Variants in ROBO1 observed in about 807,000 individuals in gnomAD.
ROBO1 encodes roundabout guidance receptor 1.
In ROBO1, 149 loss-of-function variants were observed where a neutral mutation model predicts 195.9. The ratio of observed to expected loss-of-function variants is 0.76; its 90% CI spans 0.67 to 0.87. The LOEUF (loss-of-function observed/expected upper bound fraction) is 0.87, where lower values mean the gene tolerates loss of function less well. Ranked by LOEUF, ROBO1 falls within the 40% of genes least tolerant of loss-of-function variation. ROBO1 has a pLI of 0.00. For synonymous variants in ROBO1, 816 were observed against 733.2 expected, an observed-to-expected ratio of 1.11 and a Z score of -1.82; for missense variants, 1,933 against 2,068.3, an observed-to-expected ratio of 0.93 and a Z score of 1.27.
rs1019871063 is a variant in ROBO1 at position 78,640,183 on chromosome 3, T to C, written c.2883-285A>G. 2.6e-5 allele frequency among the ~76,000 whole-genome samples: 4 copies of C among 152,178 alleles called. No homozygotes were observed. In the East Asian group the frequency reaches 7.7e-4, roughly 29 times the overall value. ...TCTACTCTGCCTTTAGTCATAATGG[T>C]TAAAAATCAAACATGGAATATGAAC... is the stretch of plus-strand genomic sequence containing the variant. On this transcript the variant is annotated intron_variant, in intron 21 of 30. Transcript: ENST00000464233.
chr3:78,767,643 T>A (rs1466072165), intron 4 of ROBO1, among the ~76,000 whole-genome samples: 1 of 152,186 alleles, frequency 6.6e-6, no homozygotes, highest in Non-Finnish European at 1.5e-5. Context: ...TTTTCCTGAT[T>A]TAAGCTAGAA....
Position 79,125,518 on chromosome 3 carries a change from C to G in ROBO1, c.110G>C (p.Gly37Ala), listed in dbSNP as rs1238180531. 6.2e-7 allele frequency: 1 copy of G among 1,613,524 alleles called. No individual in the cohort carries two copies. Among genetic ancestry groups the G allele is most frequent in the Non-Finnish European group, 8.5e-7 (1 of 1,179,744 alleles). ...LIPDPEDVERGNDHGTPIPTS... is the reference protein window; with the variant it reads ...LIPDPEDVERANDHGTPIPTS... ...GGGGATTGGCGTCCCGTGGTCGTTC[C>G]CCCTCTCTACATCTTCAGGGTCTGT... The change falls in exon 3 of 31, where the codon GGG (glycine) becomes GCG (alanine). Residue 37 changes from glycine (G) to alanine (A), a missense_variant. Transcript: ENST00000464233.
chr3:79,564,443 T>TC, intron 2 of ROBO1, among the ~76,000 whole-genome samples: 1 of 152,106 alleles, frequency 6.6e-6, no homozygotes, highest in Non-Finnish European at 1.5e-5. Context: ...ACTTGAGAGG[T>TC]CATTTCCACC....
chr3:78,631,654 G>C (rs1376106496), intron 24 of ROBO1, among the ~76,000 whole-genome samples: 4 of 152,180 alleles, frequency 2.6e-5, no homozygotes, highest in South Asian at 2.1e-4. Flanking sequence ...TTATTTAATT[G>C]CTGGAACTTA....
chr3:79,631,344 C>T (rs961518439), intron 1 of ROBO1, among the ~76,000 whole-genome samples: 2 of 151,888 alleles, frequency 1.3e-5, no homozygotes, highest in African/African-American at 2.4e-5. Flanking sequence ...TATCTGTAAT[C>T]AACAGATCTT....
chr3:78,892,501 C>T (rs1218518473), intron 4 of ROBO1, among the ~76,000 whole-genome samples: 1 of 152,150 alleles, frequency 6.6e-6, no homozygotes, highest in South Asian at 2.1e-4. Flanking sequence ...ATATATGCTG[C>T]ATTGTGATGT....
At chr3:78,909,717 T>C (rs1008285365) in intron 4 of ROBO1, among the ~76,000 whole-genome samples, 3 of 151,754 alleles carry the variant, frequency 2.0e-5, no homozygotes, top group Non-Finnish European at 4.4e-5. Flanking sequence ...TTGATATTTA[T>C]GTACATGATG....
At chr3:79,181,968 A>T (rs979767205) in intron 2 of ROBO1, among the ~76,000 whole-genome samples, 2 of 150,246 alleles carry the variant, frequency 1.3e-5, no homozygotes, top group African/African-American at 2.4e-5. Context: ...TTTTATTCAC[A>T]TATATATTAT....
intron 2 of ROBO1, among the ~76,000 whole-genome samples, chr3:79,499,128 G>A (rs1308168591): frequency 6.6e-6 from 1 of 152,064 alleles, no homozygotes; most frequent in African/African-American, 2.4e-5. Flanking sequence ...CTGAGTACCT[G>A]AGATTACAGG....
intron 2 of ROBO1, among the ~76,000 whole-genome samples, chr3:79,213,260 T>C (rs1020838449): frequency 6.6e-6 from 1 of 151,616 alleles, no homozygotes; most frequent in Non-Finnish European, 1.5e-5. Context: ...AAAAAAAAAA[T>C]CTATGACAGC....
At chr3:79,002,641 C>G (rs2077532255) in intron 3 of ROBO1, among the ~76,000 whole-genome samples, 1 of 152,080 alleles carries the variant, frequency 6.6e-6, no homozygotes, top group Non-Finnish European at 1.5e-5. Flanking sequence ...CACATTACTC[C>G]ATAAATACTA....
intron 1 of ROBO1, among the ~76,000 whole-genome samples, chr3:79,590,384 A>G (rs955032513): frequency 3.3e-5 from 5 of 151,740 alleles, no homozygotes; most frequent in African/African-American, 1.2e-4. Flanking sequence ...GATATAGCAG[A>G]AAAAAACAAA....
intron 29 of ROBO1, among the ~76,000 whole-genome samples, chr3:78,600,933 AT>A (rs1486622550): frequency 6.6e-6 from 1 of 152,142 alleles, no homozygotes; most frequent in Admixed American, 6.6e-5. Flanking sequence ...TCCTATTTAC[AT>A]TGTGGAACTC....
chr3:78,861,995 C>T (rs1216264181), intron 4 of ROBO1, among the ~76,000 whole-genome samples: 5 of 151,984 alleles, frequency 3.3e-5, no homozygotes, highest in Non-Finnish European at 7.4e-5. Flanking sequence ...TGCCTTAATC[C>T]CTAGAACACG....
chr3:78,860,915 C>A (rs990997932), intron 4 of ROBO1, among the ~76,000 whole-genome samples: 17 of 152,060 alleles, frequency 1.1e-4, no homozygotes, highest in African/African-American at 3.9e-4. Flanking sequence ...TTGCTCTTAC[C>A]CACTAAATTT....
chr3:78,678,888 A>G (rs1198510888), intron 10 of ROBO1, among the ~76,000 whole-genome samples: 1 of 152,020 alleles, frequency 6.6e-6, no homozygotes, highest in East Asian at 1.9e-4. Flanking sequence ...AGAATTTTAG[A>G]CCAATATCCT....
chr3:79,636,026 C>G (rs1461574416), intron 1 of ROBO1, among the ~76,000 whole-genome samples: 1 of 152,016 alleles, frequency 6.6e-6, no homozygotes, highest in Non-Finnish European at 1.5e-5. Flanking sequence ...AGTAGTCTTT[C>G]TCGCCACCAT....
intron 1 of ROBO1, among the ~76,000 whole-genome samples, chr3:79,668,363 CA>C (rs1458505362): frequency 2.0e-5 from 3 of 148,366 alleles, no homozygotes; most frequent in Admixed American, 6.7e-5. Context: ...TGTTTTAACT[CA>C]GTATTTTTAT....
At chr3:79,670,068 A>G (rs990424984) in intron 1 of ROBO1, among the ~76,000 whole-genome samples, 2 of 151,932 alleles carry the variant, frequency 1.3e-5, no homozygotes, top group African/African-American at 4.8e-5. Flanking sequence ...AAACTGAAGT[A>G]AGCAAGCAAA....
Sources: allele counts gnomAD v4.1 joint callset (sites outside exome capture counted in the v4.1 genomes callset), GRCh38; gene constraint gnomAD v4.1.1; transcripts MANE v1.5; gene names NCBI Gene and HGNC (gene_info 2026-07-23, HGNC 2026-07-21).